GRM5: variants seen among roughly 807,000 people sequenced by gnomAD.
The protein encoded by GRM5 is metabotropic glutamate receptor 5.
A neutral mutation model predicts 83.1 loss-of-function variants in GRM5; 19 were observed. The ratio of observed to expected loss-of-function variants is 0.23; its 90% CI spans 0.16 to 0.34. The LOEUF is 0.34. Among genes scored for constraint, GRM5 ranks in the 10% least tolerant of loss-of-function variants. The probability of loss-of-function intolerance (pLI) is 1.00; values close to 1 mark genes in which losing one functional copy is unlikely to be tolerated. For missense variants in GRM5, 1,160 were observed against 1,588.3 expected, an observed-to-expected ratio of 0.73 and a Z score of 4.58; for synonymous variants, 675 against 633.6, an observed-to-expected ratio of 1.07 and a Z score of -0.98.
rs753087938 is a variant in GRM5, at chr11:89,021,350, T to C, written c.661+25862A>G. ...CTTTAAAATCAGCCCACAGCCAAGG[T>C]TCCTGCTGTCAGCTCACTGGACTGG... On this transcript the variant is annotated intron_variant, in intron 2 of 9. Coordinates refer to ENST00000305447, the MANE Select transcript of GRM5 (RefSeq NM_001143831.3). 6.0e-4 allele frequency among the ~76,000 whole-genome samples: 91 copies of C among 152,110 alleles called. 1 individual carries two copies. Among genetic ancestry groups the C allele is most frequent in the Non-Finnish European group, 7.9e-4 (54 of 68,026 alleles).
chr11:88,573,193 T>C (rs1323044866), intron 7 of GRM5, among the ~76,000 whole-genome samples: 1 of 152,166 alleles, frequency 6.6e-6, no homozygotes, highest in Non-Finnish European at 1.5e-5. Flanking sequence ...TTTTTCTTTT[T>C]TTAAAGAGGG....
At chr11:88,592,867 G>A (rs1433205083) in intron 6 of GRM5, among the ~76,000 whole-genome samples, 1 of 152,108 alleles carries the variant, frequency 6.6e-6, no homozygotes, top group Non-Finnish European at 1.5e-5. Flanking sequence ...GGCTGGGAGT[G>A]CAGTGGCGCC....
At chr11:89,007,833 C>T (rs1591042711) in intron 2 of GRM5, among the ~76,000 whole-genome samples, 1 of 152,316 alleles carries the variant, frequency 6.6e-6, no homozygotes, top group East Asian at 1.9e-4. Flanking sequence ...TGTGAATCCT[C>T]AGTTTCTGTA....
rs1347987524 is a variant in GRM5, at chr11:88,998,023, A to T, written c.661+49189T>A. ...TGGTATGAAAACTAATAACAAAAAA[A>T]AATGAGAGGGGGCAGGAGAAGAAAA... On this transcript the variant is annotated intron_variant, in intron 2 of 9. Transcript: ENST00000305447. Among the ~76,000 whole-genome samples, 4 of 152,000 alleles carry T rather than the reference A, an allele frequency of 2.6e-5. No individual in the cohort carries two copies. In the East Asian group the frequency reaches 7.7e-4, roughly 29 times the overall value.
intron 3 of GRM5, among the ~76,000 whole-genome samples, chr11:88,774,829 C>A (rs563788740): frequency 6.6e-5 from 10 of 152,126 alleles, no homozygotes; most frequent in Non-Finnish European, 1.0e-4. Flanking sequence ...TTTTGATGTG[C>A]TGCTGGATTC....
chr11:88,677,488 G>A (rs1448408485), intron 3 of GRM5, among the ~76,000 whole-genome samples: 1 of 152,138 alleles, frequency 6.6e-6, no homozygotes, highest in African/African-American at 2.4e-5. Flanking sequence ...ATATGAGGTT[G>A]TAAGGCTGGT....
chr11:88,544,876 T>A (rs985688430), intron 8 of GRM5, among the ~76,000 whole-genome samples: 2 of 152,204 alleles, frequency 1.3e-5, no homozygotes, highest in Admixed American at 6.5e-5. Flanking sequence ...CACACCTGCA[T>A]CTTGATAGTT....
chr11:88,597,027 C>G (rs1223205102), intron 6 of GRM5, among the ~76,000 whole-genome samples, 157 bp downstream of exon 6: 2 of 152,012 alleles, frequency 1.3e-5, no homozygotes, highest in Non-Finnish European at 2.9e-5. Context: ...TTGTGAGTTG[C>G]ACATGGGATT....
At chr11:88,577,505 G>A (rs1173595549) in intron 7 of GRM5, among the ~76,000 whole-genome samples, 1 of 152,066 alleles carries the variant, frequency 6.6e-6, no homozygotes, top group Admixed American at 6.6e-5. Flanking sequence ...TGATAGAAAG[G>A]TAATTGTTTG....
At chr11:88,654,408 T>C (rs559221204) in intron 3 of GRM5, among the ~76,000 whole-genome samples, 1 of 152,234 alleles carries the variant, frequency 6.6e-6, no homozygotes, top group South Asian at 2.1e-4. Context: ...CTGCCATTGG[T>C]ATATACACAG....
intron 3 of GRM5, among the ~76,000 whole-genome samples, chr11:88,813,935 A>G (rs1943627604): frequency 6.6e-6 from 1 of 151,716 alleles, no homozygotes; most frequent in Non-Finnish European, 1.5e-5. Context: ...ACTTTCCCTG[A>G]TTAACCATTA....
At chr11:88,941,498 AGGGG>A (rs1565302390) in intron 2 of GRM5, among the ~76,000 whole-genome samples, 1 of 69,340 alleles carries the variant, frequency 1.4e-5, no homozygotes, top group African/African-American at 5.4e-5. Context: ...AGGGGAGAGG[AGGGG>A]AGAGGAGGGG....
intron 4 of GRM5, among the ~76,000 whole-genome samples, chr11:88,616,351 A>G (rs1938481683): frequency 6.7e-6 from 1 of 150,102 alleles, no homozygotes; most frequent in South Asian, 2.1e-4. Context: ...GATATGAGGC[A>G]AGAGAGATGG....
chr11:88,783,734 A>G (rs1943016084), intron 3 of GRM5, among the ~76,000 whole-genome samples: 1 of 152,072 alleles, frequency 6.6e-6, no homozygotes, highest in Admixed American at 6.6e-5. Flanking sequence ...GAATGACTCA[A>G]AAGGGCACTT....
intron 2 of GRM5, among the ~76,000 whole-genome samples, chr11:88,899,082 C>T (rs752669452): frequency 1.3e-5 from 2 of 151,886 alleles, no homozygotes; most frequent in Non-Finnish European, 2.9e-5. Flanking sequence ...TCCTAGGTTT[C>T]CGATTGTGAT....
intron 2 of GRM5, among the ~76,000 whole-genome samples, chr11:88,874,958 T>G (rs1944825901): frequency 6.6e-6 from 1 of 151,986 alleles, no homozygotes; most frequent in Non-Finnish European, 1.5e-5. Context: ...ATAATGTTTT[T>G]GCTGATAGAG....
chr11:88,577,564 C>T (rs1943138949), intron 7 of GRM5, among the ~76,000 whole-genome samples: 1 of 152,144 alleles, frequency 6.6e-6, no homozygotes, highest in Non-Finnish European at 1.5e-5. Context: ...TGTGACTTTA[C>T]TCTGCTAGTC....
At chr11:89,024,540 A>G (rs1031503125) in intron 2 of GRM5, among the ~76,000 whole-genome samples, 6 of 152,252 alleles carry the variant, frequency 3.9e-5, no homozygotes, top group African/African-American at 1.2e-4. Context: ...AGAGTTTATT[A>G]AACATAAAAT....
At chr11:88,645,261 G>A (rs1381346956) in intron 4 of GRM5, among the ~76,000 whole-genome samples, 1 of 152,124 alleles carries the variant, frequency 6.6e-6, no homozygotes, top group Admixed American at 6.6e-5. Flanking sequence ...GGATTCCCTT[G>A]TAGCAAAAAG....
Sources: gnomAD v4.1 joint callset for allele counts (sites outside exome capture counted in the v4.1 genomes callset) on GRCh38, gnomAD v4.1.1 for gene constraint, MANE v1.5 for transcripts, NCBI Gene and HGNC (gene_info 2026-07-23, HGNC 2026-07-21) for gene names.